The following LRRTM1 variants were observed in gnomAD, a reference collection of about 807,000 sequenced individuals.
LRRTM1 encodes leucine rich repeat transmembrane neuronal 1.
LRRTM1 carries 8 observed loss-of-function variants against 37.3 expected under a neutral mutation model. The observed-to-expected ratio is 0.21, with a 90% CI of 0.13 to 0.39. The LOEUF (loss-of-function observed/expected upper bound fraction) is 0.39, where lower values mean the gene tolerates loss of function less well. Among genes scored for constraint, LRRTM1 ranks in the 10% least tolerant of loss-of-function variants. The pLI is 1.00. For synonymous variants in LRRTM1, 326 were observed against 316.8 expected (o/e 1.03, Z -0.31); for missense variants, 557 against 691.0 (o/e 0.81, Z 2.17).
downstream of LRRTM1, among the ~76,000 whole-genome samples, chr2:80,300,636 G>GA (rs1676200044): frequency 6.6e-6 from 1 of 152,006 alleles, no homozygotes; most frequent in Non-Finnish European, 1.5e-5. Flanking sequence ...CAAAAAAAAG[G>GA]AAAAATAAAA....
At chr2:80,298,037 T>TTATATA, downstream of LRRTM1, 1 of 149,680 alleles carries the variant, frequency 6.7e-6, no homozygotes, top group East Asian at 2.0e-4. Context: ...ATATTATATA[T>TTATATA]TATATATATA....
downstream of LRRTM1, chr2:80,298,576 T>C (rs558564901): frequency 6.6e-6 from 1 of 152,322 alleles, no homozygotes; most frequent in Admixed American, 6.5e-5. Flanking sequence ...TGTACTTGCT[T>C]GGAAAACTTG....
Position 80,303,677 on chromosome 2 carries a change from C to T in LRRTM1, c.143G>A (p.Arg48Gln), listed in dbSNP as rs371448579. 6 of 1,611,244 alleles carry T rather than the reference C, an allele frequency of 3.7e-6. No homozygotes were observed. Among genetic ancestry groups the T allele is most frequent in the Non-Finnish European group, 5.1e-6 (6 of 1,178,362 alleles). The change falls in exon 2 of 2, where the codon CGG becomes CAG. Residue 48 changes from arginine to glutamine, a missense_variant. By Grantham distance (43) the Arg-to-Gln change is conservative. Transcript: ENST00000295057. This position sits in a 1 kb window ranked among gnomAD's most constrained non-coding sequence, Gnocchi z 7.7. ...GTTGAGCGCCTCGCAGTACAGCAGC[C>T]GCCCCTCGCACCGGCACAGCTGCGG... ...GCPQLCRCEG[R>Q]LLYCEALNLT...
intron 2 of LRRTM1, among the ~76,000 whole-genome samples, chr2:80,290,419 A>G (rs1335527922): frequency 6.6e-6 from 1 of 152,092 alleles, no homozygotes; most frequent in African/African-American, 2.4e-5. Flanking sequence ...TGGGTAAGAA[A>G]AAAAACAGCA....
rs377231458 is a variant in LRRTM1 at position 80,303,028 on chromosome 2, C to T, written c.792G>A (p.Ser264=). The T allele has an allele frequency of 6.2e-7, 1 of 1,613,714 alleles. No individual in the cohort carries two copies. The highest frequency in any genetic ancestry group is 8.5e-7 in the Non-Finnish European group (1 of 1,179,970). The change falls in exon 2 of 2, where the codon TCG becomes TCA. Residue 264 remains serine, a synonymous_variant. Coordinates refer to ENST00000295057, the MANE Select transcript of LRRTM1 (RefSeq NM_178839.5). The surrounding 1 kb of genome is among the most constrained non-coding windows in gnomAD (Gnocchi z 7.7). Reference sequence around the variant, plus strand: ...GCTCCATGTACTCGATCTCGTTGCCCGACAAGTCCATTTTCTCCAGGTTCC... The same window carrying T: ...GCTCCATGTACTCGATCTCGTTGCCTGACAAGTCCATTTTCTCCAGGTTCC... The part of the protein sequence containing the change: ...WVWNLEKMDL[S]GNEIEYMEPH...
exon 3 of LRRTM1, chr2:80,288,523 G>T (rs905165479): frequency 1.3e-5 from 2 of 152,160 alleles, no homozygotes; most frequent in Non-Finnish European, 2.9e-5. Context: ...GCTTCAAACA[G>T]CTGGCAGTTG....
chr2:80,291,071 G>A (rs532872812), intron 2 of LRRTM1, among the ~76,000 whole-genome samples: 1 of 152,322 alleles, frequency 6.6e-6, no homozygotes, highest in South Asian at 2.1e-4. Context: ...AGAACAAGGT[G>A]TGGCTTGAAA....
chr2:80,303,627 A>C lies in LRRTM1; in HGVS notation c.193T>G (p.Ser65Ala). The C allele has an allele frequency of 6.2e-7, 1 of 1,613,982 alleles. No individual in the cohort carries two copies. The highest frequency in any genetic ancestry group is 8.5e-7 in the Non-Finnish European group (1 of 1,179,956). Reference protein sequence around the residue: ...LNLTEAPHNLSGLLGLSLRYN... With the variant: ...LNLTEAPHNLAGLLGLSLRYN... Reference sequence around the variant, plus strand: ...CGCAGGGACAAGCCCAGCAGGCCGGACAGGTTGTGGGGCGCCTCGGTGAGG... The same window carrying C: ...CGCAGGGACAAGCCCAGCAGGCCGGCCAGGTTGTGGGGCGCCTCGGTGAGG... The change falls in exon 2 of 2, where the codon TCC becomes GCC. Residue 65 changes from serine to alanine, a missense_variant. This residue lies in a region of LRRTM1 where 140 missense variants were observed against 138.1 expected (regional missense o/e 1.01). Transcript: ENST00000295057. This position sits in a 1 kb window ranked among gnomAD's most constrained non-coding sequence, Gnocchi z 7.7.
At chr2:80,301,236 C>T (rs1676279877), downstream of LRRTM1, among the ~76,000 whole-genome samples, 1 of 152,196 alleles carries the variant, frequency 6.6e-6, no homozygotes, top group African/African-American at 2.4e-5. Flanking sequence ...CCTAAGCTTG[C>T]TGCAGTCTTA....
In LRRTM1 at chr2:80,302,989, C is replaced by T. The variant is rs181897544; in HGVS notation, c.831G>A (p.Glu277=). The change falls in exon 2 of 2, where the codon GAG becomes GAA. Residue 277 remains glutamate (E), a synonymous_variant. Coordinates refer to ENST00000295057, the MANE Select transcript of LRRTM1 (RefSeq NM_178839.5). This position sits in a 1 kb window ranked among gnomAD's most constrained non-coding sequence, Gnocchi z 6.4. ...GCAGGGACTGCAGGTGCGGCACGGT[C>T]TCGAACACATGGGGCTCCATGTACT... ...EIEYMEPHVF[E]TVPHLQSLQL... The T allele has an allele frequency of 3.3e-5, 54 of 1,612,758 alleles. No individual in the cohort carries two copies. In the African/African-American group the frequency reaches 7.0e-4, roughly 21 times the overall value.
chr2:80,290,800 C>A (rs527458348), intron 2 of LRRTM1, among the ~76,000 whole-genome samples: 1 of 151,032 alleles, frequency 6.6e-6, no homozygotes, highest in Non-Finnish European at 1.5e-5. Flanking sequence ...ACTATGAATT[C>A]GGTAAAAAGA....
chr2:80,289,284 T>A (rs1335571163), intron 2 of LRRTM1: 1 of 152,124 alleles, frequency 6.6e-6, no homozygotes, highest in African/African-American at 2.4e-5. Context: ...GGCTAAGGGA[T>A]CTTTGTAACT....
Position 80,303,370 on chromosome 2 carries a change from C to T in LRRTM1, c.450G>A (p.Gln150=). 1 of 1,614,144 alleles carries T rather than the reference C, an allele frequency of 6.2e-7. No homozygotes were observed. The highest frequency in any genetic ancestry group is 8.5e-7 in the Non-Finnish European group (1 of 1,180,048). The change falls in exon 2 of 2, where the codon CAG becomes CAA. Residue 150 remains glutamine (Q), a synonymous_variant. Transcript: ENST00000295057. The surrounding 1 kb of genome is among the most constrained non-coding windows in gnomAD (Gnocchi z 7.7). ...CGTGGAAGAGGTCGGGCGCGAGCGC[C>T]TGCAGCTTGTTGTACGAGAGGTCCA... is the stretch of plus-strand genomic sequence containing the variant. The part of the protein sequence containing the change: ...RSVDLSYNKL[Q]ALAPDLFHGL...
At chr2:80,298,184 C>T (rs1272467352), downstream of LRRTM1, 2 of 151,740 alleles carry the variant, frequency 1.3e-5, no homozygotes, top group African/African-American at 4.8e-5. Context: ...TTTTTTTTGA[C>T]ATTCTAAACC....
intron 2 of LRRTM1, among the ~76,000 whole-genome samples, chr2:80,294,969 G>A (rs1057482962): frequency 1.3e-5 from 2 of 152,150 alleles, no homozygotes; most frequent in African/African-American, 4.8e-5. Context: ...AGCTACTTAT[G>A]TTAACTTGAG....
chr2:80,292,233 C>G (rs545795925), intron 2 of LRRTM1, among the ~76,000 whole-genome samples: 1 of 152,314 alleles, frequency 6.6e-6, no homozygotes, highest in South Asian at 2.1e-4. Context: ...TAAGGAATAA[C>G]TCTTTCATTC....
At position 80,303,603 on chromosome 2, in the gene LRRTM1, G is replaced by T. The variant is rs1408977517; in HGVS notation, c.217C>A (p.Arg73Ser). 5 of 1,614,158 alleles carry T rather than the reference G, an allele frequency of 3.1e-6. No individual in the cohort carries two copies. Among genetic ancestry groups the T allele is most frequent in the Admixed American group, 1.7e-5 (1 of 60,022 alleles). The stretch of plus-strand genomic sequence containing the variant: ...CGCAGCTCCGAGAGGCTGTTGTAGC[G>T]CAGGGACAAGCCCAGCAGGCCGGAC... ...NLSGLLGLSL[R>S]YNSLSELRAG... Residue 73 changes from arginine (R) to serine (S), a missense_variant, in exon 2 of 2, where the codon CGC becomes AGC. By Grantham distance (110) the Arg-to-Ser change is moderately radical (BLOSUM62 -1). This residue lies in a region of LRRTM1 where 140 missense variants were observed against 138.1 expected (regional missense o/e 1.01). Coordinates refer to ENST00000295057, the MANE Select transcript of LRRTM1 (RefSeq NM_178839.5). The surrounding 1 kb of genome is among the most constrained non-coding windows in gnomAD (Gnocchi z 7.7).
chr2:80,295,785 G>A (rs1450997802), intron 2 of LRRTM1, among the ~76,000 whole-genome samples: 5 of 152,164 alleles, frequency 3.3e-5, no homozygotes, highest in African/African-American at 4.8e-5. Flanking sequence ...CTTCCAGAGC[G>A]CTTACTTGAC....
chr2:80,300,548 AT>A (rs1349624462), downstream of LRRTM1, among the ~76,000 whole-genome samples: 1 of 151,940 alleles, frequency 6.6e-6, no homozygotes, highest in Non-Finnish European at 1.5e-5. Context: ...AGCTGGAGAC[AT>A]TTGCATGTTG....
Sources: gnomAD v4.1 joint callset for allele counts (sites outside exome capture counted in the v4.1 genomes callset) on GRCh38, gnomAD v4.1.1 for gene constraint, gnomAD v4.1.1 regional missense constraint, Gnocchi (gnomAD v3.1) non-coding constraint, MANE v1.5 for transcripts, NCBI Gene and HGNC (gene_info 2026-07-23, HGNC 2026-07-21) for gene names.